Variants in C20orf203 observed in about 807,000 individuals in gnomAD.
The protein encoded by C20orf203 is chromosome 20 open reading frame 203.
C20orf203 carries 16 observed loss-of-function variants against 15.9 expected under a neutral mutation model. The ratio of observed to expected loss-of-function variants is 1.01; its 90% CI spans 0.68 to 1.53. C20orf203 has a LOEUF of 1.53. C20orf203 is among the 40% of genes most tolerant of loss of function. The pLI is 0.00. For synonymous variants in C20orf203, 98 were observed against 97.2 expected, an observed-to-expected ratio of 1.01 and a Z score of -0.05; for missense variants, 263 against 247.5, an observed-to-expected ratio of 1.06 and a Z score of -0.42.
At position 32,650,706 on chromosome 20, in the gene C20orf203, C is replaced by A. The variant is rs1436338797; in HGVS notation, c.311G>T (p.Trp104Leu). Residue 104 changes from tryptophan (W) to leucine (L), a missense_variant, in exon 4 of 6, where the codon TGG (tryptophan) becomes TTG (leucine). By Grantham distance (61) the Trp-to-Leu change is moderately conservative (BLOSUM62 -2). Transcript: ENST00000608990. ...QERIWVGGEGWGEVGGLRLSK... is the reference protein window; with the variant it reads ...QERIWVGGEGLGEVGGLRLSK... ...GAGCCTGAGGCCTCCAACTTCCCCCCACCCCTCCCCACCAACCCAAATCCT... is the reference window on the plus strand; with the variant it reads ...GAGCCTGAGGCCTCCAACTTCCCCCAACCCCTCCCCACCAACCCAAATCCT... The A allele has an allele frequency of 2.6e-6, 4 of 1,547,550 alleles. No homozygotes were observed. Among genetic ancestry groups the A allele is most frequent in the Non-Finnish European group, 3.5e-6 (4 of 1,145,240 alleles).
chr20:32,641,812 GTTAT>G (rs939805653), intron 4 of C20orf203, among the ~76,000 whole-genome samples: 2 of 152,004 alleles, frequency 1.3e-5, no homozygotes, highest in Non-Finnish European at 2.9e-5. Context: ...TTAAAATTGA[GTTAT>G]TTGTTTTTGT....
chr20:32,670,638 C>T (rs6058800), intron 1 of C20orf203, among the ~76,000 whole-genome samples: 3,261 of 152,168 alleles, frequency 0.021, 128 homozygotes, highest in African/African-American at 0.074. Flanking sequence ...TTAAGACCAG[C>T]CTGGTCAACA....
At chr20:32,635,533 C>T (rs1028591057) in intron 5 of C20orf203, among the ~76,000 whole-genome samples, 7 of 151,140 alleles carry the variant, frequency 4.6e-5, no homozygotes, top group Admixed American at 2.0e-4. Context: ...ATCATTTCCT[C>T]GGCTGGGCAC....
intron 1 of C20orf203, among the ~76,000 whole-genome samples, chr20:32,665,962 T>G (rs1311461803): frequency 1.3e-5 from 2 of 150,686 alleles, no homozygotes; most frequent in Admixed American, 6.6e-5. Context: ...CAAAACCACT[T>G]TTTTTAAAAG....
At chr20:32,667,803 C>T (rs568684713) in intron 1 of C20orf203, among the ~76,000 whole-genome samples, 39 of 152,172 alleles carry the variant, frequency 2.6e-4, no homozygotes, top group African/African-American at 5.1e-4. Flanking sequence ...CTTGAGTAGC[C>T]GGGACTACAG....
At chr20:32,668,001 T>TG in intron 1 of C20orf203, among the ~76,000 whole-genome samples, 1 of 152,118 alleles carries the variant, frequency 6.6e-6, no homozygotes, top group East Asian at 1.9e-4. Context: ...TATCATACAG[T>TG]GATTAGGTGG....
chr20:32,647,882 G>A (rs1009539443), intron 4 of C20orf203, among the ~76,000 whole-genome samples: 51 of 152,240 alleles, frequency 3.3e-4, no homozygotes, highest in Admixed American at 1.8e-3. Context: ...GGCAGGGGGC[G>A]TCGCCTTCCC....
chr20:32,650,716 C>T lies in C20orf203; in HGVS notation c.301G>A (p.Gly101Arg), dbSNP rs1982591995. The T allele has an allele frequency of 6.5e-7, 1 of 1,547,040 alleles. No homozygotes were observed. The highest frequency in any genetic ancestry group is 1.4e-5 in the African/African-American group (1 of 73,122). Residue 101 changes from glycine (G) to arginine (R), a missense_variant, in exon 4 of 6, where the codon GGG becomes AGG. By Grantham distance (125) the Gly-to-Arg change is moderately radical (BLOSUM62 -2). Coordinates refer to ENST00000608990, the MANE Select transcript of C20orf203 (RefSeq NM_182584.4). Reference protein sequence around the residue: ...GPYQERIWVGGEGWGEVGGLR... With the variant: ...GPYQERIWVGREGWGEVGGLR... Reference sequence around the variant, plus strand: ...CCTCCAACTTCCCCCCACCCCTCCCCACCAACCCAAATCCTTTCCTGATAA... The same window carrying T: ...CCTCCAACTTCCCCCCACCCCTCCCTACCAACCCAAATCCTTTCCTGATAA...
intron 1 of C20orf203, among the ~76,000 whole-genome samples, chr20:32,672,103 T>G (rs1054406321): frequency 6.6e-6 from 1 of 151,820 alleles, no homozygotes; most frequent in Non-Finnish European, 1.5e-5. Context: ...GATCACAAGG[T>G]CAGGAGTTCG....
At chr20:32,644,437 G>A (rs1365187252) in intron 4 of C20orf203, among the ~76,000 whole-genome samples, 1 of 152,108 alleles carries the variant, frequency 6.6e-6, no homozygotes, top group Non-Finnish European at 1.5e-5. Context: ...GACAGAGCGA[G>A]ACTCCATCTC....
intron 1 of C20orf203, among the ~76,000 whole-genome samples, chr20:32,666,797 T>TTATATATATATA (rs34933326): frequency 0.03 from 1,960 of 65,434 alleles, 131 homozygotes; most frequent in Non-Finnish European, 0.048. Flanking sequence ...TAATTTTAAT[T>TTATATATATATA]TATATATATA....
Position 32,633,642 on chromosome 20 carries a change from G to A in C20orf203, c.*1928C>T, listed in dbSNP as rs1982060370. Reference sequence around the variant, plus strand: ...ATGGGAAAAACTGAGGCACAAAGAAGCTGTCCCTGGCACAGGGTCACAATT... The same window carrying A: ...ATGGGAAAAACTGAGGCACAAAGAAACTGTCCCTGGCACAGGGTCACAATT... On this transcript the variant is annotated 3_prime_UTR_variant, in exon 6 of 6. Transcript: ENST00000608990. 4.9e-6 allele frequency: 1 copy of A among 202,434 alleles called. No homozygotes were observed. The highest frequency in any genetic ancestry group is 1.9e-4 in the South Asian group (1 of 5,238). 12.5% of individuals were successfully genotyped at this position (202,434 alleles called of 1,614,324 possible).
intron 1 of C20orf203, among the ~76,000 whole-genome samples, chr20:32,668,625 CA>C (rs933552756): frequency 2.1e-5 from 3 of 144,774 alleles, no homozygotes; most frequent in African/African-American, 5.1e-5. Flanking sequence ...GACTCTGTCT[CA>C]AAAAAAAATA....
intron 1 of C20orf203, among the ~76,000 whole-genome samples, chr20:32,661,468 G>A (rs1982889462): frequency 6.6e-6 from 1 of 152,226 alleles, no homozygotes; most frequent in Non-Finnish European, 1.5e-5. Flanking sequence ...TGCTCCAGTG[G>A]TGTCCAGCCC....
At chr20:32,643,968 C>T (rs910705494) in intron 4 of C20orf203, among the ~76,000 whole-genome samples, 1 of 152,166 alleles carries the variant, frequency 6.6e-6, no homozygotes, top group African/African-American at 2.4e-5. Context: ...TCAGCCCTGC[C>T]ACAGGGATCA....
In C20orf203 at chr20:32,650,263, G is replaced by C. The variant is rs1322352772; in HGVS notation, c.*169C>G. The C allele has an allele frequency of 1.6e-5, 10 of 609,146 alleles. No homozygotes were observed. The highest frequency in any genetic ancestry group is 1.1e-4 in the African/African-American group (6 of 53,906). 37.7% of individuals were successfully genotyped at this position (609,146 alleles called of 1,614,324 possible). Reference sequence around the variant, plus strand: ...TGTTTGCTGAATGCCTTGAATACAAGCGCCGGTGCCCAGAATCTCCTTGAG... The same window carrying C: ...TGTTTGCTGAATGCCTTGAATACAACCGCCGGTGCCCAGAATCTCCTTGAG... On this transcript the variant is annotated 3_prime_UTR_variant, in exon 4 of 6. Transcript: ENST00000608990.
At chr20:32,663,264 G>A (rs1023553678) in intron 1 of C20orf203, among the ~76,000 whole-genome samples, 5 of 151,104 alleles carry the variant, frequency 3.3e-5, no homozygotes, top group South Asian at 2.1e-4. Context: ...ATATTTTTAC[G>A]TGGAATTTTA....
At chr20:32,651,190 AAAAT>A in intron 2 of C20orf203, 24 bp from the exon 3 acceptor site, 1 of 528,062 alleles carries the variant, frequency 1.9e-6, no homozygotes, top group Non-Finnish European at 3.2e-6. Context: ...AAAAAAAAAA[AAAAT>A]TAGCTGGGTG....
At chr20:32,669,699 C>T (rs2145683787) in intron 1 of C20orf203, among the ~76,000 whole-genome samples, 1 of 152,262 alleles carries the variant, frequency 6.6e-6, no homozygotes, top group African/African-American at 2.4e-5. Flanking sequence ...AACTATAAAA[C>T]TTACAGAAGA....
Sources: allele counts gnomAD v4.1 joint callset (sites outside exome capture counted in the v4.1 genomes callset), GRCh38; gene constraint gnomAD v4.1.1; transcripts MANE v1.5; gene names NCBI Gene and HGNC (gene_info 2026-07-23, HGNC 2026-07-21).